Variants in LUZP2 observed in about 807,000 individuals in gnomAD.
LUZP2 encodes the protein leucine zipper protein 2.
In LUZP2, 52 loss-of-function variants were observed where a neutral mutation model predicts 51.6. The ratio of observed to expected loss-of-function variants is 1.01; its 90% confidence interval spans 0.81 to 1.27. The LOEUF (loss-of-function observed/expected upper bound fraction) is 1.27. LUZP2 is among the 50% of genes most tolerant of loss of function. The pLI is 0.00. For synonymous variants in LUZP2, 154 were observed against 137.3 expected (o/e 1.12, Z -0.85); for missense variants, 436 against 395.4 (o/e 1.10, Z -0.87).
chr11:24,866,113 T>TACACACACACAC (rs60308723), intron 5 of LUZP2, among the ~76,000 whole-genome samples: 21 of 146,818 alleles, frequency 1.4e-4, no homozygotes, highest in African/African-American at 4.6e-4. Flanking sequence ...CTGCATTTCA[T>TACACACACACAC]ACACACACAC....
intron 7 of LUZP2, among the ~76,000 whole-genome samples, chr11:24,927,098 T>G (rs1854302378): frequency 6.6e-6 from 1 of 151,708 alleles, no homozygotes; most frequent in Admixed American, 6.6e-5. Context: ...ATGGGATCTT[T>G]TTTTTTTTCT....
In LUZP2 at chr11:24,976,670, G is replaced by C. The variant is rs369171976; in HGVS notation, c.597+5G>C. ...GAGAAAGCAGCTCTTGACAGGGTAA[G>C]TCTACATTCATGAACCATTACAACT... is the stretch of plus-strand genomic sequence containing the variant. On this transcript the variant is annotated splice_donor_5th_base_variant and intron_variant, in intron 8 of 11. Coordinates refer to ENST00000336930, the MANE Select transcript of LUZP2 (RefSeq NM_001009909.4). 9.0e-6 allele frequency: 11 copies of C among 1,227,112 alleles called. No individual in the cohort carries two copies. The highest frequency in any genetic ancestry group is 1.1e-5 in the Non-Finnish European group (10 of 896,150). The allele number at this position is 1,227,112 out of a possible 1,614,324, so 76.0% of individuals were successfully genotyped here.
intron 1 of LUZP2, among the ~76,000 whole-genome samples, chr11:24,642,643 T>C (rs917905961): frequency 6.6e-6 from 1 of 151,684 alleles, no homozygotes; most frequent in African/African-American, 2.4e-5. Context: ...CAAAGAAAAA[T>C]TATTCTGCCA....
intron 1 of LUZP2, among the ~76,000 whole-genome samples, chr11:24,567,857 A>G (rs1207045487): frequency 6.6e-6 from 1 of 152,178 alleles, no homozygotes; most frequent in Non-Finnish European, 1.5e-5. Flanking sequence ...TCAGCATGAA[A>G]GGAAGTGATA....
chr11:24,569,747 C>A (rs545071634), intron 1 of LUZP2, among the ~76,000 whole-genome samples: 1 of 151,832 alleles, frequency 6.6e-6, no homozygotes, highest in African/African-American at 2.4e-5. Flanking sequence ...AGCTTATAAA[C>A]AAACAATAGA....
At chr11:24,909,893 T>C (rs928585228) in intron 6 of LUZP2, among the ~76,000 whole-genome samples, 4 of 151,984 alleles carry the variant, frequency 2.6e-5, no homozygotes, top group African/African-American at 7.3e-5. Flanking sequence ...CAGGCAGAGG[T>C]TGGAACACTT....
At chr11:24,801,771 A>C (rs1229803146) in intron 5 of LUZP2, among the ~76,000 whole-genome samples, 1 of 151,108 alleles carries the variant, frequency 6.6e-6, no homozygotes, top group African/African-American at 2.4e-5. Flanking sequence ...TCTTAATATA[A>C]GGAATAGTAT....
chr11:24,875,982 C>T (rs1404959962), intron 5 of LUZP2, among the ~76,000 whole-genome samples: 2 of 151,690 alleles, frequency 1.3e-5, no homozygotes, highest in Non-Finnish European at 1.5e-5. Context: ...TGTTTGAGTT[C>T]ATTGTAGATT....
chr11:24,926,780 G>A (rs1321437562), intron 7 of LUZP2, among the ~76,000 whole-genome samples: 2 of 151,058 alleles, frequency 1.3e-5, no homozygotes, highest in South Asian at 2.1e-4. Context: ...GGATCAAATG[G>A]TAGATCTACA....
At chr11:24,811,257 C>T (rs1304957677) in intron 5 of LUZP2, among the ~76,000 whole-genome samples, 1 of 152,134 alleles carries the variant, frequency 6.6e-6, no homozygotes, top group Non-Finnish European at 1.5e-5. Context: ...CCCTCAGAAT[C>T]CTGCAAGCCT....
intron 5 of LUZP2, among the ~76,000 whole-genome samples, chr11:24,889,353 G>A (rs1460958317): frequency 1.3e-5 from 2 of 152,124 alleles, no homozygotes. Flanking sequence ...GCTTTATCAA[G>A]GTGAGGAGGT....
chr11:24,514,555 T>A (rs1027791377), intron 1 of LUZP2, among the ~76,000 whole-genome samples: 12 of 152,208 alleles, frequency 7.9e-5, no homozygotes, highest in African/African-American at 2.9e-4. Context: ...GGAATGATTA[T>A]AAATTTCACT....
chr11:24,522,026 T>C (rs1850656987), intron 1 of LUZP2, among the ~76,000 whole-genome samples: 1 of 152,132 alleles, frequency 6.6e-6, no homozygotes, highest in East Asian at 1.9e-4. Flanking sequence ...TAGCTTAACA[T>C]TTGGCAATAA....
intron 9 of LUZP2, among the ~76,000 whole-genome samples, chr11:25,035,079 A>T (rs1243326141): frequency 1.3e-5 from 2 of 152,150 alleles, no homozygotes; most frequent in African/African-American, 4.8e-5. Context: ...AAACAACATC[A>T]TACTGAAAAT....
chr11:25,022,833 A>C (rs1423235898), intron 9 of LUZP2, among the ~76,000 whole-genome samples: 2 of 152,064 alleles, frequency 1.3e-5, no homozygotes, highest in East Asian at 3.9e-4. Flanking sequence ...ATCAATACCT[A>C]GTTTATTGAG....
intron 1 of LUZP2, among the ~76,000 whole-genome samples, chr11:24,507,822 A>C (rs1291934080): frequency 1.3e-5 from 2 of 152,024 alleles, no homozygotes; most frequent in Admixed American, 1.3e-4. Context: ...ACTCCCCTTA[A>C]ATGGTGGTTG....
At chr11:24,737,515 G>T (rs1294840819) in intron 3 of LUZP2, among the ~76,000 whole-genome samples, 1 of 131,368 alleles carries the variant, frequency 7.6e-6, no homozygotes, top group Non-Finnish European at 1.7e-5. Context: ...AAAAAATCAA[G>T]GCACAGAAAG....
intron 1 of LUZP2, among the ~76,000 whole-genome samples, chr11:24,547,057 C>A (rs183210814): frequency 6.6e-6 from 1 of 151,814 alleles, no homozygotes; most frequent in Admixed American, 6.6e-5. Context: ...TTCAGGGATT[C>A]TTCAGTTTCT....
At chr11:24,630,822 A>G (rs1854861642) in intron 1 of LUZP2, among the ~76,000 whole-genome samples, 3 of 151,596 alleles carry the variant, frequency 2.0e-5, no homozygotes, top group African/African-American at 7.3e-5. Context: ...GTTTCTTCTG[A>G]TCTATGAGCA....
Sources: allele counts gnomAD v4.1 joint callset (sites outside exome capture counted in the v4.1 genomes callset), GRCh38; gene constraint gnomAD v4.1.1; transcripts MANE v1.5; gene names NCBI Gene and HGNC (gene_info 2026-07-23, HGNC 2026-07-21).